The following ARID4A variants were observed in gnomAD, a reference collection of about 807,000 sequenced individuals.
ARID4A encodes AT-rich interactive domain-containing protein 4A.
Under a neutral mutation model 148.6 loss-of-function variants are expected in ARID4A, and 39 were observed. That is an observed-to-expected ratio of 0.26 (90% confidence interval 0.20 to 0.34). ARID4A has a LOEUF of 0.34. Ranked by LOEUF, ARID4A falls within the 10% of genes least tolerant of loss-of-function variation. The pLI is 1.00. For missense variants in ARID4A, 1,265 were observed against 1,449.1 expected, an observed-to-expected ratio of 0.87 and a Z score of 2.06; for synonymous variants, 475 against 481.2, an observed-to-expected ratio of 0.99 and a Z score of 0.17.
At chr14:58,332,000 C>CG (rs888152360) in intron 11 of ARID4A, among the ~76,000 whole-genome samples, 2 of 144,972 alleles carry the variant, frequency 1.4e-5, no homozygotes, top group Non-Finnish European at 3.0e-5. Flanking sequence ...TCCCTACCCC[C>CG]CCCCCCCCAA....
intron 5 of ARID4A, among the ~76,000 whole-genome samples, chr14:58,314,277 T>C (rs1411262947): frequency 3.9e-5 from 6 of 152,226 alleles, no homozygotes; most frequent in Non-Finnish European, 7.3e-5. Flanking sequence ...ACAAAAATTA[T>C]ACTCTTCAGT....
chr14:58,339,380 C>A (rs557181698), intron 11 of ARID4A, among the ~76,000 whole-genome samples: 32 of 152,200 alleles, frequency 2.1e-4, no homozygotes, highest in Admixed American at 3.9e-4. Flanking sequence ...CCACAAAGAT[C>A]AAGTTTAGTT....
intron 17 of ARID4A, among the ~76,000 whole-genome samples, chr14:58,356,706 T>TG (rs1468232275): frequency 6.6e-6 from 1 of 151,204 alleles, no homozygotes; most frequent in African/African-American, 2.4e-5. Context: ...TTGATTTTTT[T>TG]TTTTTTTTTT....
chr14:58,332,871 T>C (rs1384308036), intron 11 of ARID4A, among the ~76,000 whole-genome samples: 1 of 152,206 alleles, frequency 6.6e-6, no homozygotes, highest in Non-Finnish European at 1.5e-5. Flanking sequence ...TAGTCTGTTA[T>C]TTGTTGTTTT....
intron 10 of ARID4A, 76 bp downstream of exon 10, chr14:58,329,680 T>C (rs2033411008): frequency 3.3e-6 from 4 of 1,222,098 alleles, no homozygotes; most frequent in Admixed American, 3.6e-5. Flanking sequence ...GCAAGACTGA[T>C]ACTCTCTGGT....
At chr14:58,310,213 T>G (rs550986485) in intron 5 of ARID4A, among the ~76,000 whole-genome samples, 51 of 149,948 alleles carry the variant, frequency 3.4e-4, no homozygotes, top group Middle Eastern at 3.4e-3. Flanking sequence ...ATTCCTGGAG[T>G]TTTTTTTTGT....
chr14:58,337,647 C>T (rs930809914), intron 11 of ARID4A, among the ~76,000 whole-genome samples: 8 of 152,082 alleles, frequency 5.3e-5, no homozygotes, highest in Non-Finnish European at 1.2e-4. Context: ...CAATTTCTTA[C>T]ATAATTTTGT....
Position 58,345,449 on chromosome 14 carries a change from C to G in ARID4A, c.979+682C>G, listed in dbSNP as rs1257647447. Among the ~76,000 whole-genome samples the G allele has an allele frequency of 2.6e-5, 4 of 152,042 alleles. No homozygotes were observed. The East Asian group carries it at 7.7e-4, about 29-fold the overall frequency. On this transcript the variant is annotated intron_variant, in intron 12 of 23. Transcript: ENST00000355431. Reference sequence around the variant, plus strand: ...AAACTAGCCTGATCCTTGTTCTCAGCAAATTAAACATAATAGGAGACCAAT... The same window carrying G: ...AAACTAGCCTGATCCTTGTTCTCAGGAAATTAAACATAATAGGAGACCAAT...
chr14:58,365,489 T>TAAAAAATAA, intron 20 of ARID4A, 29 bp from the exon 21 acceptor site: 1 of 985,680 alleles, frequency 1.0e-6, no homozygotes, highest in Non-Finnish European at 1.4e-6. Flanking sequence ...TTTTTTTTTT[T>TAAAAAATAA]CAACATTCTC....
Position 58,301,607 on chromosome 14 carries a change from G to A in ARID4A, c.34G>A (p.Val12Met), listed in dbSNP as rs1252362229. Residue 12 changes from valine to methionine, a missense_variant, in exon 3 of 24, where the codon GTG (valine) becomes ATG (methionine). Transcript: ENST00000355431. Reference protein sequence around the residue: ...KAADEPAYLTVGTDVSAKYRG... With the variant: ...KAADEPAYLTMGTDVSAKYRG... Reference sequence around the variant, plus strand: ...GGCAGATGAGCCTGCCTACCTGACAGTGGGAACCGATGTCAGTGCCAAGTA... The same window carrying A: ...GGCAGATGAGCCTGCCTACCTGACAATGGGAACCGATGTCAGTGCCAAGTA... The A allele has an allele frequency of 6.2e-7, 1 of 1,614,014 alleles. No individual in the cohort carries two copies.
At chr14:58,344,176 A>G (rs902530655) in intron 11 of ARID4A, among the ~76,000 whole-genome samples, 1 of 152,228 alleles carries the variant, frequency 6.6e-6, no homozygotes, top group Non-Finnish European at 1.5e-5. Context: ...ATGTATTTAA[A>G]TATCTTTAAA....
At position 58,373,850 on chromosome 14, in the gene ARID4A, A is replaced by G. The variant is rs1444019937; in HGVS notation, c.*1861A>G. On this transcript the variant is annotated 3_prime_UTR_variant, in exon 24 of 24. Coordinates refer to ENST00000355431, the MANE Select transcript of ARID4A (RefSeq NM_002892.4). ...CATTTTAGTATATTCAGCCTTTACAATAAAATATTTCTACTAATTATAAAA... is the reference window on the plus strand; with the variant it reads ...CATTTTAGTATATTCAGCCTTTACAGTAAAATATTTCTACTAATTATAAAA... The G allele has an allele frequency of 2.6e-5, 4 of 153,926 alleles. No individual in the cohort carries two copies. The highest frequency in any genetic ancestry group is 7.2e-5 in the African/African-American group (3 of 41,506). 9.5% of individuals were successfully genotyped at this position (153,926 alleles called of 1,614,324 possible).
intron 11 of ARID4A, among the ~76,000 whole-genome samples, 163 bp downstream of exon 11, chr14:58,330,332 T>C (rs912470242): frequency 2.0e-5 from 3 of 152,208 alleles, no homozygotes; most frequent in Admixed American, 1.3e-4. Context: ...GCTCATAGCA[T>C]AGTGTGTAAA....
At chr14:58,329,625 C>G (rs754484115) in intron 10 of ARID4A, 21 bp downstream of exon 10, 2 of 1,544,012 alleles carry the variant, frequency 1.3e-6, no homozygotes, top group South Asian at 2.2e-5. Flanking sequence ...GATGAATTAC[C>G]CTATTATTTT....
chr14:58,311,714 A>G (rs1957037), intron 5 of ARID4A, among the ~76,000 whole-genome samples: 2 of 152,224 alleles, frequency 1.3e-5, no homozygotes, highest in East Asian at 3.8e-4. Flanking sequence ...GAATGTATAA[A>G]GAAAATGTGA....
rs369487838 is a variant in ARID4A, at chr14:58,301,785, T to C, written c.117+95T>C. On this transcript the variant is annotated intron_variant, in intron 3 of 23. Transcript: ENST00000355431. ...AAATCAGCATTTTATTGAGTCATTA[T>C]ATGAAAACCCTTTATATACCAAACT... 46 of 810,180 alleles carry C rather than the reference T, an allele frequency of 5.7e-5. No individual in the cohort carries two copies. In the East Asian group the frequency reaches 7.2e-4, roughly 13 times the overall value. The allele number at this position is 810,180 out of a possible 1,614,324, so 50.2% of individuals were successfully genotyped here.
intron 2 of ARID4A, 66 bp from the exon 3 acceptor site, chr14:58,301,514 T>G: frequency 6.7e-5 from 72 of 1,082,408 alleles, no homozygotes; most frequent in Non-Finnish European, 9.6e-5. Context: ...AACCTTTTAA[T>G]GAGACTTGAG....
chr14:58,323,973 C>G (rs1311627598), intron 8 of ARID4A, among the ~76,000 whole-genome samples: 3 of 137,430 alleles, frequency 2.2e-5, no homozygotes, highest in Non-Finnish European at 4.5e-5. Context: ...GGCGCGATCT[C>G]GGCTCACTGC....
intron 10 of ARID4A, 36 bp downstream of exon 10, chr14:58,329,640 T>C (rs747739830): frequency 2.3e-5 from 35 of 1,502,906 alleles, no homozygotes; most frequent in Non-Finnish European, 3.2e-5. Flanking sequence ...TATTTTATGT[T>C]GTGGCTCTAT....
Sources: gnomAD v4.1 joint callset for allele counts (sites outside exome capture counted in the v4.1 genomes callset) on GRCh38, gnomAD v4.1.1 for gene constraint, MANE v1.5 for transcripts, NCBI Gene and HGNC (gene_info 2026-07-23, HGNC 2026-07-21) for gene names.